DNAJC13: variants seen among roughly 807,000 people sequenced by gnomAD.
DNAJC13 encodes the protein DnaJ heat shock protein family (Hsp40) member C13.
In DNAJC13, 75 loss-of-function variants were observed where a neutral mutation model predicts 290.5. The observed-to-expected ratio is 0.26, with a 90% CI of 0.21 to 0.31. The LOEUF is 0.31. Ranked by LOEUF, DNAJC13 falls within the 10% of genes least tolerant of loss-of-function variation. DNAJC13 has a pLI of 1.00. For synonymous variants in DNAJC13, 862 were observed against 892.0 expected (o/e 0.97, Z 0.60); for missense variants, 2,260 against 2,674.5 (o/e 0.85, Z 3.42).
Position 132,453,683 on chromosome 3 carries a change from C to A in DNAJC13, c.829C>A (p.Pro277Thr), listed in dbSNP as rs768213999. The A allele has an allele frequency of 3.1e-6, 5 of 1,607,892 alleles. No homozygotes were observed. Among genetic ancestry groups the A allele is most frequent in the Middle Eastern group, 3.3e-4 (2 of 6,050 alleles). Reference protein sequence around the residue: ...PATYNIATLKPLGEVFALVCD... With the variant: ...PATYNIATLKTLGEVFALVCD... Reference sequence around the variant, plus strand: ...AACCTATAATATTGCAACATTGAAGCCTTTAGGAGAAGTAAGTTTCAGCAT... The same window carrying A: ...AACCTATAATATTGCAACATTGAAGACTTTAGGAGAAGTAAGTTTCAGCAT... The change falls in exon 8 of 56, where the codon CCT (proline) becomes ACT (threonine). Residue 277 changes from proline to threonine, a missense_variant. Around this residue, in one of 3 missense-constraint regions of DNAJC13, gnomAD observed 762 missense variants for 964.1 expected, o/e 0.79. Coordinates refer to ENST00000260818, the MANE Select transcript of DNAJC13 (RefSeq NM_015268.4).
chr3:132,522,782 G>T (rs775429862), intron 48 of DNAJC13, 46 bp from the exon 49 acceptor site: 12 of 1,458,600 alleles, frequency 8.2e-6, no homozygotes, highest in African/African-American at 4.3e-5. Context: ...AAATATTGAG[G>T]TGTTTCCAAT....
At chr3:132,527,641 A>G (rs1936300688) in intron 53 of DNAJC13, among the ~76,000 whole-genome samples, 1 of 152,218 alleles carries the variant, frequency 6.6e-6, no homozygotes, top group Admixed American at 6.5e-5. Context: ...AGTACCTGAA[A>G]AAAGAGGTGC....
chr3:132,467,590 C>G (rs958439021), intron 20 of DNAJC13, among the ~76,000 whole-genome samples: 3 of 151,904 alleles, frequency 2.0e-5, no homozygotes, highest in Non-Finnish European at 2.9e-5. Context: ...CTCAGCCTCC[C>G]GAGTAGCTGG....
At chr3:132,465,695 T>C (rs571868242) in intron 17 of DNAJC13, among the ~76,000 whole-genome samples, 2 of 152,034 alleles carry the variant, frequency 1.3e-5, no homozygotes, top group Admixed American at 1.3e-4. Flanking sequence ...TAATTGTTTT[T>C]GTTGTTTTTT....
At chr3:132,476,402 C>T (rs867816683) in intron 22 of DNAJC13, among the ~76,000 whole-genome samples, 1 of 152,130 alleles carries the variant, frequency 6.6e-6, no homozygotes, top group African/African-American at 2.4e-5. Context: ...CCATACAGTG[C>T]ACCTTCAAAA....
Position 132,530,784 on chromosome 3 carries a change from C to T in DNAJC13, c.6526-214C>T, listed in dbSNP as rs192186980. On this transcript the variant is annotated intron_variant, in intron 54 of 55. Transcript: ENST00000260818. ...ATAATAGAGTCCAGCTTCAGAGGGACGACTGACTTGAGGACTTCTTTGGGT... is the reference window on the plus strand; with the variant it reads ...ATAATAGAGTCCAGCTTCAGAGGGATGACTGACTTGAGGACTTCTTTGGGT... Among the ~76,000 whole-genome samples the T allele has an allele frequency of 4.6e-5, 7 of 152,306 alleles. No individual in the cohort carries two copies. In the East Asian group the frequency reaches 5.8e-4, roughly 13 times the overall value.
At chr3:132,512,896 C>A in intron 44 of DNAJC13, 112 bp from the exon 45 acceptor site, 1 of 859,616 alleles carries the variant, frequency 1.2e-6, no homozygotes, top group Non-Finnish European at 1.9e-6. Context: ...ATGTTTAGAA[C>A]CAGTTATCAG....
Position 132,464,518 on chromosome 3 carries a change from G to C in DNAJC13, c.1892+701G>C, listed in dbSNP as rs190849076. On this transcript the variant is annotated intron_variant, in intron 17 of 55. Transcript: ENST00000260818. ...TTTTTAAATAATAGCATAAGTTGCT[G>C]AGTTAAACGTTTAGTTTGTTACAAT... is the stretch of plus-strand genomic sequence containing the variant. Among the ~76,000 whole-genome samples the C allele has an allele frequency of 6.3e-3, 964 of 152,176 alleles. 7 individuals are homozygous for C. Among genetic ancestry groups the C allele is most frequent in the African/African-American group, 0.022 (911 of 41,520 alleles).
intron 3 of DNAJC13, 45 bp downstream of exon 3, chr3:132,446,595 G>T: frequency 1.4e-6 from 2 of 1,390,220 alleles, no homozygotes; most frequent in South Asian, 1.3e-5. Flanking sequence ...AACTCCCTTT[G>T]AATTTTAAAA....
At chr3:132,480,915 A>T (rs1216220684) in intron 26 of DNAJC13, among the ~76,000 whole-genome samples, 1 of 152,182 alleles carries the variant, frequency 6.6e-6, no homozygotes, top group African/African-American at 2.4e-5. Context: ...TAATTTCCTG[A>T]TGTAAGGAGA....
At chr3:132,469,901 C>A (rs1309378070) in intron 20 of DNAJC13, among the ~76,000 whole-genome samples, 1 of 141,598 alleles carries the variant, frequency 7.1e-6, no homozygotes, top group Non-Finnish European at 1.5e-5. Context: ...GTTTCTATCA[C>A]AATGAGGATT....
intron 29 of DNAJC13, among the ~76,000 whole-genome samples, chr3:132,486,764 T>C (rs1416805133): frequency 1.3e-5 from 2 of 152,216 alleles, no homozygotes; most frequent in Non-Finnish European, 2.9e-5. Context: ...CATTTGACTT[T>C]AAGAGCAGTC....
intron 20 of DNAJC13, 80 bp downstream of exon 20, chr3:132,467,393 G>T: frequency 7.0e-7 from 1 of 1,421,840 alleles, no homozygotes; most frequent in South Asian, 1.3e-5. Flanking sequence ...TCACAGAGAT[G>T]GTATCGATAC....
intron 6 of DNAJC13, 26 bp downstream of exon 6, chr3:132,450,873 A>AG (rs1933396376): frequency 2.2e-6 from 3 of 1,359,450 alleles, no homozygotes; most frequent in Admixed American, 4.5e-5. Context: ...AAAAAAAAAA[A>AG]CACTTTAAAA....
intron 36 of DNAJC13, among the ~76,000 whole-genome samples, chr3:132,497,080 T>A (rs1364950096): frequency 3.3e-5 from 5 of 152,230 alleles, no homozygotes; most frequent in Non-Finnish European, 7.3e-5. Context: ...AGCATTCAGA[T>A]TTTTTAAAAG....
rs1380885004 is a variant in DNAJC13 at position 132,492,513 on chromosome 3, A to G, written c.3723A>G (p.Ile1241Met). The change falls in exon 33 of 56, where the codon ATA (isoleucine) becomes ATG (methionine). Residue 1241 changes from isoleucine (I) to methionine (M), a missense_variant. Ile to Met is a conservative substitution (Grantham distance 10, BLOSUM62 1). Around this residue, in one of 3 missense-constraint regions of DNAJC13, gnomAD observed 1,494 missense variants for 1,693.7 expected, o/e 0.88. Transcript: ENST00000260818. ...TTTATCAGTATTGCCCCATTCCTAT[A>G]ATCAACTATCCACAACTCGAAAATG... is the stretch of plus-strand genomic sequence containing the variant. The part of the protein sequence containing the change: ...RALYQYCPIP[I>M]INYPQLENEL... 1 of 1,613,880 alleles carries G rather than the reference A, an allele frequency of 6.2e-7. No individual in the cohort carries two copies. Among genetic ancestry groups the G allele is most frequent in the Non-Finnish European group, 8.5e-7 (1 of 1,179,858 alleles).
intron 4 of DNAJC13, 30 bp from the exon 5 acceptor site, chr3:132,447,868 C>G: frequency 6.3e-7 from 1 of 1,592,392 alleles, no homozygotes; most frequent in Non-Finnish European, 8.6e-7. Context: ...AGTCTGTTGT[C>G]ATAAACTGTG....
rs1248383413 is a variant in DNAJC13 at position 132,538,571 on chromosome 3, GACAA to G, written c.*291_*294del. The stretch of plus-strand genomic sequence containing the variant: ...TGTTTACAAAACTGTGAATCAAAAA[GACAA>G]AACTTTCTTCCTAGTTTTTGTAATT... On this transcript the variant is annotated 3_prime_UTR_variant, in exon 56 of 56. Transcript: ENST00000260818. 8.9e-6 allele frequency: 2 copies of G among 223,658 alleles called. No homozygotes were observed. The highest frequency in any genetic ancestry group is 1.9e-4 in the East Asian group (2 of 10,544). 13.9% of individuals were successfully genotyped at this position (223,658 alleles called of 1,614,324 possible).
chr3:132,449,723 A>G lies in DNAJC13; in HGVS notation c.337-924A>G, dbSNP rs143678493. Among the ~76,000 whole-genome samples the G allele has an allele frequency of 1.4e-3, 216 of 152,296 alleles. 1 individual carries two copies. The highest frequency in any genetic ancestry group is 4.6e-3 in the Admixed American group (70 of 15,286). ...GATAATTTCTTATTTCAGTATCAGAAATAGTTGTACTCCAGAGCAACCAAT... is the reference window on the plus strand; with the variant it reads ...GATAATTTCTTATTTCAGTATCAGAGATAGTTGTACTCCAGAGCAACCAAT... On this transcript the variant is annotated intron_variant, in intron 5 of 55. Coordinates refer to ENST00000260818, the MANE Select transcript of DNAJC13 (RefSeq NM_015268.4).
Sources: allele counts gnomAD v4.1 joint callset (sites outside exome capture counted in the v4.1 genomes callset), GRCh38; gene constraint gnomAD v4.1.1; regional missense constraint gnomAD v4.1.1; transcripts MANE v1.5; gene names NCBI Gene and HGNC (gene_info 2026-07-23, HGNC 2026-07-21).